Variants in TFB1M observed in about 807,000 individuals in gnomAD.
TFB1M encodes dimethyladenosine transferase 1, mitochondrial.
A neutral mutation model predicts 31.1 loss-of-function variants in TFB1M; 27 were observed. The ratio of observed to expected loss-of-function variants is 0.87; its 90% CI spans 0.64 to 1.20. TFB1M has a LOEUF of 1.20. TFB1M is among the 50% of genes most tolerant of loss of function. The pLI, the probability that TFB1M is intolerant of heterozygous loss-of-function variation, is 0.00. For missense variants in TFB1M, 394 were observed against 418.7 expected, an observed-to-expected ratio of 0.94 and a Z score of 0.51; for synonymous variants, 166 against 151.8, an observed-to-expected ratio of 1.09 and a Z score of -0.69.
At chr6:155,230,558 G>A in the TFB1M span, among the ~76,000 whole-genome samples, 5 of 113,720 alleles carry the variant, frequency 4.4e-5, no homozygotes, top group Non-Finnish European at 9.4e-5. Flanking sequence ...TCATCAAAGT[G>A]TCTTTATGGA....
chr6:155,254,177 C>A (rs1416974678), downstream of TFB1M: 2 of 1,202,136 alleles, frequency 1.7e-6, no homozygotes, highest in Admixed American at 2.6e-5. Flanking sequence ...ATACTCCCCA[C>A]CCTCCGAAAA....
At chr6:155,254,488 C>A (rs1335437439), downstream of TFB1M, 2 of 1,614,184 alleles carry the variant, frequency 1.2e-6, no homozygotes, top group Admixed American at 3.3e-5. Context: ...TCAGGCGTCA[C>A]ATAAAGTGTG....
rs1335784379 is a variant in TFB1M at position 155,305,117 on chromosome 6, T to C, written c.285+6071A>G. Among the ~76,000 whole-genome samples, 2 of 113,906 alleles carry C rather than the reference T, an allele frequency of 1.8e-5. 1 individual carries two copies. Among genetic ancestry groups the C allele is most frequent in the Non-Finnish European group, 3.3e-5 (2 of 60,768 alleles). 74.7% of individuals were successfully genotyped at this position (113,906 alleles called of 152,430 possible). On this transcript the variant is annotated intron_variant, in intron 2 of 6. Coordinates refer to ENST00000367166, the MANE Select transcript of TFB1M (RefSeq NM_016020.4). ...TTATATTATTTATATATTATATATT[T>C]ATATATATACATAATTATATATTTA...
downstream of TFB1M, among the ~76,000 whole-genome samples, chr6:155,251,666 G>A (rs1157555031): frequency 1.3e-5 from 2 of 152,184 alleles, no homozygotes; most frequent in African/African-American, 4.8e-5. Context: ...ACAGTATATT[G>A]TCACTGAGAT....
At chr6:155,237,060 C>T in the TFB1M span, among the ~76,000 whole-genome samples, 1 of 152,248 alleles carries the variant, frequency 6.6e-6, no homozygotes, top group Non-Finnish European at 1.5e-5. Context: ...AGGCAAGTCC[C>T]TTCCACCTAT....
intron 5 of TFB1M, among the ~76,000 whole-genome samples, chr6:155,269,269 A>G (rs1784811046): frequency 6.7e-6 from 1 of 149,090 alleles, no homozygotes; most frequent in Non-Finnish European, 1.5e-5. Context: ...TACTCATTTT[A>G]TGGCCTTAGT....
At chr6:155,230,329 C>G in the TFB1M span, among the ~76,000 whole-genome samples, 1 of 152,236 alleles carries the variant, frequency 6.6e-6, no homozygotes, top group African/African-American at 2.4e-5. Flanking sequence ...TTACACTGGC[C>G]TTCAATTCCT....
Position 155,286,509 on chromosome 6 carries a change from A to C in TFB1M, c.547-1232T>G, listed in dbSNP as rs1018902065. Reference sequence around the variant, plus strand: ...TGTGTATATATATGTGTGTATATATATGTGTGTATATATATGTATATATAT... The same window carrying C: ...TGTGTATATATATGTGTGTATATATCTGTGTGTATATATATGTATATATAT... On this transcript the variant is annotated intron_variant, in intron 4 of 6. Transcript: ENST00000367166. Among the ~76,000 whole-genome samples the C allele has an allele frequency of 4.5e-5, 6 of 134,234 alleles. 1 individual carries two copies. The East Asian group carries it at 1.3e-3, about 29-fold the overall frequency. 88.1% of individuals were successfully genotyped at this position (134,234 alleles called of 152,430 possible). A position where few individuals can be genotyped will look rare whatever the true frequency, so the allele number is the denominator to read the frequency against.
At chr6:155,250,831 C>T in the TFB1M span, 3 of 1,382,232 alleles carry the variant, frequency 2.2e-6, no homozygotes, top group South Asian at 2.3e-5. Context: ...TTAGCAATGA[C>T]TGTGTGTACA....
chr6:155,299,013 T>C (rs1343986304), intron 2 of TFB1M, among the ~76,000 whole-genome samples: 2 of 152,194 alleles, frequency 1.3e-5, no homozygotes, highest in African/African-American at 4.8e-5. Context: ...CCTAAATATA[T>C]ATACAAAGGA....
At chr6:155,230,189 C>A in the TFB1M span, among the ~76,000 whole-genome samples, 1 of 152,200 alleles carries the variant, frequency 6.6e-6, no homozygotes, top group South Asian at 2.1e-4. Flanking sequence ...CCTCCACCCA[C>A]TCCTGCTCTC....
chr6:155,290,763 A>G (rs1776887166), intron 4 of TFB1M, among the ~76,000 whole-genome samples: 1 of 152,194 alleles, frequency 6.6e-6, no homozygotes, highest in African/African-American at 2.4e-5. Flanking sequence ...GTGTTATTCA[A>G]GAGCAGAAAT....
chr6:155,298,529 T>C lies in TFB1M; in HGVS notation c.342A>G (p.Thr114=). The C allele has an allele frequency of 6.2e-7, 1 of 1,613,618 alleles. No homozygotes were observed. The highest frequency in any genetic ancestry group is 8.5e-7 in the Non-Finnish European group (1 of 1,179,728). The change falls in exon 3 of 7, where the codon ACA becomes ACG. Residue 114 remains threonine (T), a synonymous_variant. Coordinates refer to ENST00000367166, the MANE Select transcript of TFB1M (RefSeq NM_016020.4). ...CTGAAAAAGCCTTTTCTACCTTAAA[T>C]GTCAAGACATCTCCATGAACAATTC... ...KLRIVHGDVL[T]FKVEKAFSES...
intron 4 of TFB1M, among the ~76,000 whole-genome samples, chr6:155,286,915 T>C (rs575829675): frequency 7.9e-5 from 12 of 152,182 alleles, no homozygotes; most frequent in African/African-American, 2.9e-4. Flanking sequence ...AGAAAGTATT[T>C]GAAATTTATA....
chr6:155,311,436 C>T, intron 1 of TFB1M, 97 bp from the exon 2 acceptor site: 3 of 972,128 alleles, frequency 3.1e-6, no homozygotes, highest in East Asian at 2.6e-5. Context: ...TCAGCCATTA[C>T]CCAATCAATT....
chr6:155,258,176 A>C, intron 6 of TFB1M, 94 bp from the exon 7 acceptor site: 1 of 1,445,886 alleles, frequency 6.9e-7, no homozygotes, highest in Non-Finnish European at 9.6e-7. Flanking sequence ...ACAACACAAC[A>C]CAGTTGCTGG....
chr6:155,242,732 AATTATT>A, the TFB1M span, among the ~76,000 whole-genome samples: 14 of 151,956 alleles, frequency 9.2e-5, no homozygotes, highest in East Asian at 9.7e-4. Flanking sequence ...CTTGCCTTCA[AATTATT>A]ATTATTATTA....
At chr6:155,260,560 TG>T (rs1784345121) in intron 5 of TFB1M, 160 bp from the exon 6 acceptor site, 3 of 863,366 alleles carry the variant, frequency 3.5e-6, no homozygotes, top group Non-Finnish European at 5.6e-6. Context: ...GCATGGAAGA[TG>T]GTACATTCTG....
the TFB1M span, chr6:155,249,972 C>A: frequency 8.7e-6 from 14 of 1,609,598 alleles, no homozygotes; most frequent in Middle Eastern, 9.9e-4. Flanking sequence ...AGAAGGAGGT[C>A]CGTGAGACAT....
Sources: gnomAD v4.1 joint callset for allele counts (sites outside exome capture counted in the v4.1 genomes callset) on GRCh38, gnomAD v4.1.1 for gene constraint, MANE v1.5 for transcripts, NCBI Gene and HGNC (gene_info 2026-07-23, HGNC 2026-07-21) for gene names.